GNAS-AS1: variants seen among roughly 807,000 people sequenced by gnomAD.
GNAS-AS1 encodes GNAS antisense RNA 1 (non-protein coding).
Position 58,840,236 on chromosome 20 carries a change from G to T in GNAS-AS1, n.819+1701C>A. 1 of 1,610,928 alleles carries T rather than the reference G, an allele frequency of 6.2e-7. No individual in the cohort carries two copies. The highest frequency in any genetic ancestry group is 1.1e-5 in the South Asian group (1 of 91,046). ...CTCCTGCTCCATCGCGCTCCTCCGC[G>T]CCCTTGCCACCTCCAACGCCCGTGC... On this transcript the variant is annotated intron_variant and non_coding_transcript_variant, in intron 4 of 4. Coordinates refer to ENST00000424094, the Ensembl canonical transcript of GNAS-AS1. The surrounding 1 kb of genome is among the most constrained non-coding windows in gnomAD (Gnocchi z 6.0).
chr20:58,827,017 A>G (rs2085526169), intron 4 of GNAS-AS1: 1 of 151,706 alleles, frequency 6.6e-6, no homozygotes, highest in Non-Finnish European at 1.5e-5. Flanking sequence ...TGGCTGAACT[A>G]TGTTATTTCT....
intron 2 of GNAS-AS1, among the ~76,000 whole-genome samples, chr20:58,846,618 C>T (rs766444443): frequency 3.3e-5 from 5 of 152,202 alleles, no homozygotes; most frequent in African/African-American, 9.7e-5. Flanking sequence ...CACTCTCAAA[C>T]TTGAGGGGTC....
chr20:58,830,301 TCAC>T lies in GNAS-AS1; in HGVS notation n.820-11049_820-11047del, dbSNP rs1330796824. 3.2e-3 allele frequency among the ~76,000 whole-genome samples: 62 copies of T among 19,562 alleles called. 1 individual carries two copies. Among genetic ancestry groups the T allele is most frequent in the Admixed American group, 0.02 (43 of 2,150 alleles). The allele number at this position is 19,562 out of a possible 152,430, so 12.8% of individuals were successfully genotyped here. A position where few individuals can be genotyped will look rare whatever the true frequency, so the allele number is the denominator to read the frequency against. ...CGCCACACCACCATCACCACCACCA[TCAC>T]CACCACCACCACACCATCATCATCA... is the stretch of plus-strand genomic sequence containing the variant. On this transcript the variant is annotated intron_variant and non_coding_transcript_variant, in intron 4 of 4. Transcript: ENST00000424094.
chr20:58,839,903 GGC>G, intron 4 of GNAS-AS1: 2 of 604,562 alleles, frequency 3.3e-6, no homozygotes, highest in Non-Finnish European at 5.9e-6. Context: ...AGGCAAGCAA[GGC>G]GCGGAGCTTT....
chr20:58,832,267 T>C (rs1456606536), intron 4 of GNAS-AS1, among the ~76,000 whole-genome samples: 1 of 152,198 alleles, frequency 6.6e-6, no homozygotes, highest in Non-Finnish European at 1.5e-5. Flanking sequence ...ACATAGGATA[T>C]ATTAAAATTA....
chr20:58,840,045 C>T lies in GNAS-AS1; in HGVS notation n.819+1892G>A. 1.3e-6 allele frequency: 2 copies of T among 1,580,022 alleles called. No homozygotes were observed. The highest frequency in any genetic ancestry group is 2.2e-5 in the South Asian group (2 of 90,530). On this transcript the variant is annotated intron_variant and non_coding_transcript_variant, in intron 4 of 4. Transcript: ENST00000424094. This position sits in a 1 kb window ranked among gnomAD's most constrained non-coding sequence, Gnocchi z 6.0. ...TTTCCCGGCTCCAGCAGCCAATGTG[C>T]TTCGGAGCCACTCTCTGCAGAGCCA...
rs143549225 is a variant in GNAS-AS1, at chr20:58,840,504, C to G, written n.819+1433G>C. On this transcript the variant is annotated intron_variant and non_coding_transcript_variant, in intron 4 of 4. Coordinates refer to ENST00000424094, the Ensembl canonical transcript of GNAS-AS1. This position sits in a 1 kb window ranked among gnomAD's most constrained non-coding sequence, Gnocchi z 6.0. ...TTCGAGACCGAGCCTGAGACCGCCC[C>G]CACCACTGAGCCCGAGACCGAGCCT... The G allele has an allele frequency of 6.8e-6, 11 of 1,613,324 alleles. No homozygotes were observed. The highest frequency in any genetic ancestry group is 9.3e-6 in the Non-Finnish European group (11 of 1,179,770).
At chr20:58,821,465 A>G (rs551843223) in intron 4 of GNAS-AS1, among the ~76,000 whole-genome samples, 9 of 152,376 alleles carry the variant, frequency 5.9e-5, no homozygotes, top group Non-Finnish European at 1.3e-4. Flanking sequence ...GCCTTGGGCA[A>G]GCTATCTGAC....
chr20:58,823,864 C>A (rs1276036181), intron 4 of GNAS-AS1, among the ~76,000 whole-genome samples: 1 of 152,228 alleles, frequency 6.6e-6, no homozygotes, highest in Non-Finnish European at 1.5e-5. Context: ...CTCCCCTAAC[C>A]GCGCCATCAG....
At chr20:58,836,070 C>T (rs927230334) in intron 4 of GNAS-AS1, among the ~76,000 whole-genome samples, 6 of 151,654 alleles carry the variant, frequency 4.0e-5, no homozygotes, top group African/African-American at 1.2e-4. Flanking sequence ...AAAGTGGGGG[C>T]GGGGGGGAGG....
At chr20:58,846,287 G>A (rs1217480261) in intron 2 of GNAS-AS1, among the ~76,000 whole-genome samples, 1 of 152,140 alleles carries the variant, frequency 6.6e-6, no homozygotes, top group African/African-American at 2.4e-5. Context: ...CAAGTATCTG[G>A]TGGCTAAGGG....
rs544068079 is a variant in GNAS-AS1 at position 58,839,990 on chromosome 20, G to A, written n.819+1947C>T. 346 of 1,146,876 alleles carry A rather than the reference G, an allele frequency of 3.0e-4. 4 individuals carry two copies. The South Asian group carries it at 4.2e-3, about 14-fold the overall frequency. The allele number at this position is 1,146,876 out of a possible 1,614,324, so 71.0% of individuals were successfully genotyped here. On this transcript the variant is annotated intron_variant and non_coding_transcript_variant, in intron 4 of 4. Transcript: ENST00000424094. Reference sequence around the variant, plus strand: ...ACAAGGAGGTGAGGCTGGGACCTCCGGGCCAGCTTCTCACCTCATAGGGTG... The same window carrying A: ...ACAAGGAGGTGAGGCTGGGACCTCCAGGCCAGCTTCTCACCTCATAGGGTG...
Position 58,819,479 on chromosome 20 carries a change from G to A in GNAS-AS1, n.820-224C>T, listed in dbSNP as rs1003255338. Among the ~76,000 whole-genome samples the A allele has an allele frequency of 1.2e-4, 18 of 152,220 alleles. 1 individual carries two copies. The highest frequency in any genetic ancestry group is 4.3e-4 in the African/African-American group (18 of 41,456). ...TTATTGTTGATTTAAGAGAGAAGCA[G>A]TTATGGTTTTGAAAACATGGCCCTT... On this transcript the variant is annotated intron_variant and non_coding_transcript_variant, in intron 4 of 4. Transcript: ENST00000424094.
intron 2 of GNAS-AS1, among the ~76,000 whole-genome samples, chr20:58,847,160 T>C (rs1261824114): frequency 6.6e-6 from 1 of 152,134 alleles, no homozygotes; most frequent in Non-Finnish European, 1.5e-5. Flanking sequence ...CTACAGCTAA[T>C]TAGCTGAGTG....
exon 2 of GNAS-AS1, chr20:58,848,880 T>C (rs2086045415): frequency 2.5e-6 from 1 of 398,472 alleles, no homozygotes; most frequent in South Asian, 1.3e-4. Context: ...TCCACTCACC[T>C]AAAGGACTTA....
rs780051524 is a variant in GNAS-AS1, at chr20:58,840,149, C to T, written n.819+1788G>A. On this transcript the variant is annotated intron_variant and non_coding_transcript_variant, in intron 4 of 4. Transcript: ENST00000424094. The surrounding 1 kb of genome is among the most constrained non-coding windows in gnomAD (Gnocchi z 6.0). ...GGCTCAGCAGTGGCGCCGAGCTCGC[C>T]ATAATTACAACGACCTGTGCCCGCC... is the stretch of plus-strand genomic sequence containing the variant. 6.2e-7 allele frequency: 1 copy of T among 1,611,774 alleles called. No individual in the cohort carries two copies. Among genetic ancestry groups the T allele is most frequent in the South Asian group, 1.1e-5 (1 of 91,078 alleles).
At position 58,841,429 on chromosome 20, in the gene GNAS-AS1, G is replaced by A. The variant is rs2085722759; in HGVS notation, n.819+508C>T. 4.0e-6 allele frequency: 4 copies of A among 992,012 alleles called. No homozygotes were observed. In the South Asian group the frequency reaches 1.4e-4, roughly 34 times the overall value. The allele number at this position is 992,012 out of a possible 1,614,324, so 61.5% of individuals were successfully genotyped here. ...AGAACTCTAGAGACTGACCACCCGG[G>A]AGGGAAGTCACGCGCGCGCGGCGCC... On this transcript the variant is annotated intron_variant and non_coding_transcript_variant, in intron 4 of 4. Transcript: ENST00000424094. This position sits in a 1 kb window ranked among gnomAD's most constrained non-coding sequence, Gnocchi z 5.0.
intron 4 of GNAS-AS1, among the ~76,000 whole-genome samples, chr20:58,828,515 C>G (rs1394558874): frequency 1.3e-5 from 2 of 152,202 alleles, no homozygotes; most frequent in Non-Finnish European, 2.9e-5. Flanking sequence ...ACCAGCTGGT[C>G]CCACCTCTCT....
At position 58,840,807 on chromosome 20, in the gene GNAS-AS1, C is replaced by G. The variant is rs761327919; in HGVS notation, n.819+1130G>C. 6.2e-7 allele frequency: 1 copy of G among 1,612,666 alleles called. No individual in the cohort carries two copies. The highest frequency in any genetic ancestry group is 1.7e-5 in the Admixed American group (1 of 60,028). On this transcript the variant is annotated intron_variant and non_coding_transcript_variant, in intron 4 of 4. Coordinates refer to ENST00000424094, the Ensembl canonical transcript of GNAS-AS1. This position sits in a 1 kb window ranked among gnomAD's most constrained non-coding sequence, Gnocchi z 6.0. Reference sequence around the variant, plus strand: ...CGCCGTGACGCGTCCCCGGAGTCCCCTTCCAAAAAGGGACCCATCCCCATC... The same window carrying G: ...CGCCGTGACGCGTCCCCGGAGTCCCGTTCCAAAAAGGGACCCATCCCCATC...
Sources: gnomAD v4.1 joint callset for allele counts (sites outside exome capture counted in the v4.1 genomes callset) on GRCh38, gnomAD v4.1.1 for gene constraint, Gnocchi (gnomAD v3.1) non-coding constraint, MANE v1.5 for transcripts, NCBI Gene and HGNC (gene_info 2026-07-23, HGNC 2026-07-21) for gene names.